Variants in COL10A1 observed in about 807,000 individuals in gnomAD.
COL10A1 encodes collagen alpha-1(X) chain.
Under a neutral mutation model 18.2 loss-of-function variants are expected in COL10A1, and 10 were observed. The ratio of observed to expected loss-of-function variants is 0.55; its 90% CI spans 0.34 to 0.93. The LOEUF is 0.93. Among genes scored for constraint, COL10A1 ranks in the 40% least tolerant of loss-of-function variants. The probability of loss-of-function intolerance (pLI) is 0.02; values close to 1 mark genes in which losing one functional copy is unlikely to be tolerated. For synonymous variants in COL10A1, 330 were observed against 316.6 expected (o/e 1.04, Z -0.45); for missense variants, 897 against 853.5 (o/e 1.05, Z -0.64).
At chr6:116,216,544 C>G in the COL10A1 span, among the ~76,000 whole-genome samples, 1 of 151,868 alleles carries the variant, frequency 6.6e-6, no homozygotes, top group Non-Finnish European at 1.5e-5. Flanking sequence ...CTCTCATATT[C>G]TGTACTTCAT....
chr6:116,200,705 G>A, the COL10A1 span, among the ~76,000 whole-genome samples: 1 of 151,956 alleles, frequency 6.6e-6, no homozygotes, highest in African/African-American at 2.4e-5. Flanking sequence ...CTCTCTGGGT[G>A]ATATTTAATG....
At chr6:116,199,808 C>A in the COL10A1 span, among the ~76,000 whole-genome samples, 1 of 151,902 alleles carries the variant, frequency 6.6e-6, no homozygotes. Context: ...ATAAAATAAC[C>A]ATCAATGAGT....
chr6:116,125,333 ATTTACC>A lies in COL10A1; in HGVS notation c.154_154+5del. On this transcript the variant is annotated splice_donor_variant and splice_donor_5th_base_variant and coding_sequence_variant and intron_variant, in exon 2 of 3. Coordinates refer to ENST00000651968, the MANE Select transcript of COL10A1 (RefSeq NM_000493.4). LOFTEE classifies it high-confidence loss of function. The stretch of plus-strand genomic sequence containing the variant: ...TTAATAGAACAAAATATACAATTCA[ATTTACC>A]TTTACTCTTTATGGTGTAGGGAATG... 2 of 1,613,184 alleles carry A rather than the reference ATTTACC, an allele frequency of 1.2e-6. No individual in the cohort carries two copies. Among genetic ancestry groups the A allele is most frequent in the Non-Finnish European group, 1.7e-6 (2 of 1,179,468 alleles).
the COL10A1 span, among the ~76,000 whole-genome samples, chr6:116,184,856 A>AT: frequency 3.3e-5 from 5 of 151,414 alleles, no homozygotes; most frequent in African/African-American, 9.7e-5. Flanking sequence ...ATGTTTTGTA[A>AT]TTTTTTTTGT....
At chr6:116,204,956 G>A in the COL10A1 span, among the ~76,000 whole-genome samples, 1 of 151,920 alleles carries the variant, frequency 6.6e-6, no homozygotes, top group Admixed American at 6.6e-5. Context: ...GAAAATACAT[G>A]TATATGTGTG....
chr6:116,178,102 CGT>C, the COL10A1 span, among the ~76,000 whole-genome samples: 3,690 of 94,268 alleles, frequency 0.039, 64 homozygotes, highest in Middle Eastern at 0.071. Flanking sequence ...CGCGCGCGCG[CGT>C]GCGTGCGTGT....
chr6:116,136,050 G>A (rs943050336), intron 1 of COL10A1, among the ~76,000 whole-genome samples: 11 of 151,708 alleles, frequency 7.3e-5, no homozygotes, highest in Non-Finnish European at 1.6e-4. Flanking sequence ...TTCATCCTAC[G>A]TAACTGAAAC....
intron 1 of COL10A1, among the ~76,000 whole-genome samples, chr6:116,142,009 A>T (rs910280112): frequency 6.6e-6 from 1 of 152,018 alleles, no homozygotes; most frequent in Non-Finnish European, 1.5e-5. Context: ...ACTTAGATGA[A>T]AACTCAAAAA....
At chr6:116,189,258 A>G in the COL10A1 span, among the ~76,000 whole-genome samples, 1 of 151,876 alleles carries the variant, frequency 6.6e-6, no homozygotes, top group Non-Finnish European at 1.5e-5. Flanking sequence ...TTTCTCTTGT[A>G]AACCTTTAGA....
chr6:116,171,380 G>C, the COL10A1 span, among the ~76,000 whole-genome samples: 2 of 152,050 alleles, frequency 1.3e-5, no homozygotes, highest in Non-Finnish European at 1.5e-5. Context: ...TGTTCTAAAA[G>C]GCCATTTGTA....
At chr6:116,125,744 G>A (rs1353844753) in intron 1 of COL10A1, 20 of 328,956 alleles carry the variant, frequency 6.1e-5, no homozygotes, top group Admixed American at 4.0e-4. Context: ...TTTACCTAAA[G>A]GAAAAGAAAC....
At chr6:116,133,925 G>GT (rs768451269) in intron 1 of COL10A1, among the ~76,000 whole-genome samples, 8 of 152,218 alleles carry the variant, frequency 5.3e-5, no homozygotes, top group South Asian at 2.1e-4. Context: ...ATTAATAGTG[G>GT]TTTTTTTCCC....
intron 1 of COL10A1, among the ~76,000 whole-genome samples, chr6:116,151,744 A>G (rs1420422921): frequency 2.0e-5 from 3 of 152,204 alleles, no homozygotes; most frequent in African/African-American, 4.8e-5. Context: ...TAGCTTTTCT[A>G]TAATAAATAC....
chr6:116,144,436 G>A (rs936496358), intron 1 of COL10A1, among the ~76,000 whole-genome samples: 3 of 147,814 alleles, frequency 2.0e-5, no homozygotes, highest in Non-Finnish European at 3.0e-5. Flanking sequence ...AGGAGGCAGA[G>A]GTTGCAGTGA....
At chr6:116,151,529 C>A (rs989429607) in intron 1 of COL10A1, among the ~76,000 whole-genome samples, 2 of 151,998 alleles carry the variant, frequency 1.3e-5, no homozygotes, top group Admixed American at 6.6e-5. Flanking sequence ...TGTTTAAATT[C>A]GTTAATATAA....
the COL10A1 span, among the ~76,000 whole-genome samples, chr6:116,193,109 T>C: frequency 2.0e-5 from 3 of 152,100 alleles, no homozygotes; most frequent in Admixed American, 6.6e-5. Flanking sequence ...GAGAATATGC[T>C]TATGAACTTT....
chr6:116,181,224 G>A, the COL10A1 span, among the ~76,000 whole-genome samples: 7 of 151,726 alleles, frequency 4.6e-5, no homozygotes, highest in Non-Finnish European at 8.8e-5. Context: ...ACTAAACTTA[G>A]GAATATCAGA....
rs1779033163 is a variant in COL10A1 at position 116,119,266 on chromosome 6, T to C, written c.*807A>G. On this transcript the variant is annotated 3_prime_UTR_variant, in exon 3 of 3. Coordinates refer to ENST00000651968, the MANE Select transcript of COL10A1 (RefSeq NM_000493.4). ...TGTTCTGTAAATCCAGAAAATCATA[T>C]CACATAAGATTCAATAAGGAATTAA... 6.6e-6 allele frequency: 1 copy of C among 152,570 alleles called. No individual in the cohort carries two copies. The highest frequency in any genetic ancestry group is 2.1e-4 in the South Asian group (1 of 4,826). The allele number at this position is 152,570 out of a possible 1,614,324, so 9.5% of individuals were successfully genotyped here. A position where few individuals can be genotyped will look rare whatever the true frequency, so the allele number is the denominator to read the frequency against.
chr6:116,141,759 G>GT (rs556953268), intron 1 of COL10A1, among the ~76,000 whole-genome samples: 3,417 of 138,326 alleles, frequency 0.025, 39 homozygotes, highest in African/African-American at 0.03. Flanking sequence ...TTCTTCTTTT[G>GT]TTTTTTTTTT....
Sources: gnomAD v4.1 joint callset for allele counts (sites outside exome capture counted in the v4.1 genomes callset) on GRCh38, gnomAD v4.1.1 for gene constraint, MANE v1.5 for transcripts, NCBI Gene and HGNC (gene_info 2026-07-23, HGNC 2026-07-21) for gene names.